The following GPC6 variants were observed in gnomAD, a reference collection of about 807,000 sequenced individuals.
GPC6 encodes the protein glypican 6, also known as glypican-6.
Under a neutral mutation model 55.2 loss-of-function variants are expected in GPC6, and 14 were observed. That is an observed-to-expected ratio of 0.25 (90% CI 0.17 to 0.40). The LOEUF is 0.40. Ranked by LOEUF, GPC6 falls within the 10% of genes least tolerant of loss-of-function variation. The pLI is 1.00. For missense variants in GPC6, 641 were observed against 708.5 expected, an observed-to-expected ratio of 0.90 and a Z score of 1.08; for synonymous variants, 278 against 259.6, an observed-to-expected ratio of 1.07 and a Z score of -0.68.
In GPC6 at chr13:93,469,241, T is replaced by C. The variant is rs143224224; in HGVS notation, c.161-76022T>C. ...TGAAATTCAATAAAATTGTATTGTA[T>C]TCAATTATTTCTTATATTTTTAAAT... is the stretch of plus-strand genomic sequence containing the variant. On this transcript the variant is annotated intron_variant, in intron 1 of 8. Transcript: ENST00000377047. Among the ~76,000 whole-genome samples the C allele has an allele frequency of 9.8e-5, 15 of 152,330 alleles. No homozygotes were observed. The East Asian group carries it at 2.7e-3, about 27-fold the overall frequency.
chr13:93,634,823 C>A (rs1047634169), intron 2 of GPC6, among the ~76,000 whole-genome samples: 1 of 152,044 alleles, frequency 6.6e-6, no homozygotes, highest in Non-Finnish European at 1.5e-5. Flanking sequence ...TGTGGTCAGT[C>A]GCAGGCCAGC....
At chr13:93,895,234 G>GTGTGTGTGTGTGTGTATA (rs1196315147) in intron 3 of GPC6, among the ~76,000 whole-genome samples, 2 of 108,208 alleles carry the variant, frequency 1.8e-5, no homozygotes, top group African/African-American at 7.4e-5. Flanking sequence ...GTGTGTGTGT[G>GTGTGTGTGTGTGTGTATA]TATATATATA....
intron 2 of GPC6, among the ~76,000 whole-genome samples, chr13:93,554,713 G>A (rs919347273): frequency 1.3e-5 from 2 of 152,152 alleles, no homozygotes; most frequent in African/African-American, 4.8e-5. Flanking sequence ...AGAGGTAGCT[G>A]GCCTAAGCCG....
intron 1 of GPC6, among the ~76,000 whole-genome samples, chr13:93,243,030 G>A (rs192262755): frequency 1.3e-5 from 2 of 152,304 alleles, no homozygotes; most frequent in Admixed American, 1.3e-4. Context: ...AACAGGAAGG[G>A]ACCCTGTTCG....
intron 6 of GPC6, among the ~76,000 whole-genome samples, chr13:94,330,932 A>G (rs183552728): frequency 2.0e-5 from 3 of 152,208 alleles, no homozygotes; most frequent in East Asian, 3.9e-4. Context: ...ATATAACCAT[A>G]TAAGACTGTT....
chr13:93,956,149 C>T (rs1368797456), intron 3 of GPC6, among the ~76,000 whole-genome samples: 2 of 152,030 alleles, frequency 1.3e-5, no homozygotes, highest in African/African-American at 4.8e-5. Context: ...TGACCTCCTG[C>T]AACTGCTATA....
At chr13:93,672,927 C>T (rs572019098) in intron 2 of GPC6, among the ~76,000 whole-genome samples, 17 of 151,946 alleles carry the variant, frequency 1.1e-4, no homozygotes, top group Non-Finnish European at 2.2e-4. Context: ...GAGTTCTGTT[C>T]TCAGATGTTC....
Position 94,027,638 on chromosome 13 carries a change from G to C in GPC6, c.712-91G>C, listed in dbSNP as rs1882952166. The C allele has an allele frequency of 6.5e-6, 7 of 1,075,820 alleles. No homozygotes were observed. The East Asian group carries it at 1.7e-4, about 25-fold the overall frequency. 66.6% of individuals were successfully genotyped at this position (1,075,820 alleles called of 1,614,324 possible). ...AGTAATTACAAAGGGTTAAGATTCTGCTTGTGGTTTATCACTGCTATTTTG... is the reference window on the plus strand; with the variant it reads ...AGTAATTACAAAGGGTTAAGATTCTCCTTGTGGTTTATCACTGCTATTTTG... On this transcript the variant is annotated intron_variant, in intron 3 of 8. Coordinates refer to ENST00000377047, the MANE Select transcript of GPC6 (RefSeq NM_005708.5).
At chr13:93,655,835 T>C (rs1880638423) in intron 2 of GPC6, among the ~76,000 whole-genome samples, 1 of 152,208 alleles carries the variant, frequency 6.6e-6, no homozygotes, top group Admixed American at 6.5e-5. Context: ...GTTATCGTTT[T>C]ACAGCACAGT....
intron 4 of GPC6, among the ~76,000 whole-genome samples, chr13:94,203,844 G>A (rs910428139): frequency 9.9e-5 from 15 of 152,042 alleles, no homozygotes; most frequent in African/African-American, 3.6e-4. Flanking sequence ...CTGCATGTCT[G>A]ATAACTATTC....
intron 4 of GPC6, among the ~76,000 whole-genome samples, chr13:94,227,409 C>T (rs1890593130): frequency 6.6e-6 from 1 of 152,164 alleles, no homozygotes; most frequent in African/African-American, 2.4e-5. Context: ...GATTATTGCA[C>T]AAGGTGCCAA....
chr13:93,924,510 T>A (rs577545867), intron 3 of GPC6, among the ~76,000 whole-genome samples: 5 of 152,342 alleles, frequency 3.3e-5, no homozygotes, highest in African/African-American at 1.2e-4. Context: ...TTATTGTACA[T>A]CCTGAACCTG....
intron 1 of GPC6, among the ~76,000 whole-genome samples, chr13:93,309,553 T>C (rs952920921): frequency 4.6e-5 from 7 of 152,198 alleles, no homozygotes; most frequent in Non-Finnish European, 1.0e-4. Context: ...TTTAAACATA[T>C]TTTAAACTAT....
chr13:93,411,233 A>G (rs1876483052), intron 1 of GPC6, among the ~76,000 whole-genome samples: 1 of 152,156 alleles, frequency 6.6e-6, no homozygotes, highest in Non-Finnish European at 1.5e-5. Context: ...TCGTCAACAG[A>G]CACCATACCT....
chr13:94,199,971 A>G (rs1373925405), intron 4 of GPC6, among the ~76,000 whole-genome samples: 1 of 152,138 alleles, frequency 6.6e-6, no homozygotes, highest in African/African-American at 2.4e-5. Context: ...ACCCTGACCA[A>G]TATGGTGAAA....
chr13:94,262,102 T>C (rs1178119385), intron 4 of GPC6, among the ~76,000 whole-genome samples: 1 of 152,208 alleles, frequency 6.6e-6, no homozygotes, highest in African/African-American at 2.4e-5. Flanking sequence ...CCCCTATTTT[T>C]TCTGTGAAAT....
chr13:93,554,231 A>G (rs1875333565), intron 2 of GPC6, among the ~76,000 whole-genome samples: 1 of 152,040 alleles, frequency 6.6e-6, no homozygotes, highest in African/African-American at 2.4e-5. Flanking sequence ...GTACATACGG[A>G]ACAATGTCAG....
At chr13:94,059,111 T>C (rs1884234318) in intron 4 of GPC6, among the ~76,000 whole-genome samples, 1 of 152,122 alleles carries the variant, frequency 6.6e-6, no homozygotes, top group African/African-American at 2.4e-5. Flanking sequence ...CAAAATCTCT[T>C]ACTCAGCTTA....
intron 2 of GPC6, among the ~76,000 whole-genome samples, chr13:93,560,598 G>C (rs551891012): frequency 1.3e-5 from 2 of 151,448 alleles, no homozygotes; most frequent in African/African-American, 4.9e-5. Flanking sequence ...GCTCATGCCT[G>C]TAATCCCAGC....
Sources: allele counts gnomAD v4.1 joint callset (sites outside exome capture counted in the v4.1 genomes callset), GRCh38; gene constraint gnomAD v4.1.1; transcripts MANE v1.5; gene names NCBI Gene and HGNC (gene_info 2026-07-23, HGNC 2026-07-21).